Variants in WDPCP observed in about 807,000 individuals in gnomAD.
WDPCP encodes the protein WD repeat containing planar cell polarity effector.
In WDPCP, 71 loss-of-function variants were observed where a neutral mutation model predicts 93.1. The observed-to-expected ratio is 0.76, with a 90% CI of 0.63 to 0.93. The LOEUF (loss-of-function observed/expected upper bound fraction) is 0.93, where lower values mean the gene tolerates loss of function less well. Ranked by LOEUF, WDPCP falls within the 40% of genes least tolerant of loss-of-function variation. WDPCP has a pLI of 0.00. For synonymous variants in WDPCP, 315 were observed against 315.0 expected, an observed-to-expected ratio of 1.00 and a Z score of 0.00; for missense variants, 844 against 887.4, an observed-to-expected ratio of 0.95 and a Z score of 0.62.
At chr2:63,285,827 A>AGTAGGAGAG (rs1307030465) in intron 13 of WDPCP, among the ~76,000 whole-genome samples, 2 of 152,226 alleles carry the variant, frequency 1.3e-5, no homozygotes, top group Admixed American at 6.5e-5. Flanking sequence ...CTCCTCTCGA[A>AGTAGGAGAG]GTAGTTGAGA....
chr2:63,185,999 GC>G (rs1211440348), intron 14 of WDPCP, among the ~76,000 whole-genome samples: 1 of 152,048 alleles, frequency 6.6e-6, no homozygotes, highest in Non-Finnish European at 1.5e-5. Flanking sequence ...CTGGAGATAT[GC>G]CCAGTAAAGG....
Position 63,765,867 on chromosome 2 carries a change from T to C in WDPCP, n.308+47755A>G, listed in dbSNP as rs572253227. ...GAAGGATGCAGCCATGCTTGTGCTT[T>C]ACCTAGCAGAAACATTTTACCAGGA... On this transcript the variant is annotated intron_variant and non_coding_transcript_variant, in intron 2 of 4. Transcript: ENST00000467687. Among the ~76,000 whole-genome samples the C allele has an allele frequency of 2.0e-4, 30 of 152,334 alleles. No homozygotes were observed. In the South Asian group the frequency reaches 6.0e-3, roughly 31 times the overall value.
chr2:63,575,775 G>A (rs958399146), intron 1 of WDPCP, among the ~76,000 whole-genome samples: 6 of 151,486 alleles, frequency 4.0e-5, no homozygotes, highest in East Asian at 2.0e-4. Flanking sequence ...ACATGTGTGC[G>A]TATGTATATA....
intron 6 of WDPCP, among the ~76,000 whole-genome samples, chr2:63,473,184 C>G (rs1328903826): frequency 6.6e-6 from 1 of 152,136 alleles, no homozygotes; most frequent in East Asian, 1.9e-4. Flanking sequence ...TGTCAAACAT[C>G]AGTATGTATA....
chr2:63,189,689 G>T (rs140736014), intron 14 of WDPCP, among the ~76,000 whole-genome samples: 2 of 152,210 alleles, frequency 1.3e-5, no homozygotes, highest in African/African-American at 4.8e-5. Context: ...TACTGTTATT[G>T]AATTTCTTTT....
chr2:63,301,519 T>C (rs1685331473), intron 13 of WDPCP, among the ~76,000 whole-genome samples: 1 of 152,172 alleles, frequency 6.6e-6, no homozygotes, highest in Non-Finnish European at 1.5e-5. Context: ...TTTCTGGAGA[T>C]CCATTTTTCA....
chr2:63,694,477 T>C (rs999895340), intron 2 of WDPCP, among the ~76,000 whole-genome samples: 1 of 152,108 alleles, frequency 6.6e-6, no homozygotes, highest in Non-Finnish European at 1.5e-5. Flanking sequence ...AATTATTGAG[T>C]ATTTTACTCT....
At chr2:63,400,408 G>A (rs1694057104) in intron 10 of WDPCP, among the ~76,000 whole-genome samples, 1 of 152,092 alleles carries the variant, frequency 6.6e-6, no homozygotes, top group South Asian at 2.1e-4. Flanking sequence ...AAAAGCAATT[G>A]CAACAAAAGA....
At chr2:63,574,744 T>C (rs1707793860) in intron 1 of WDPCP, among the ~76,000 whole-genome samples, 1 of 152,192 alleles carries the variant, frequency 6.6e-6, no homozygotes, top group Non-Finnish European at 1.5e-5. Context: ...TTGGCTAGCT[T>C]GTCCATTTGT....
intron 17 of WDPCP, among the ~76,000 whole-genome samples, chr2:63,128,764 G>T (rs1432461092): frequency 6.6e-6 from 1 of 152,168 alleles, no homozygotes; most frequent in Admixed American, 6.5e-5. Flanking sequence ...CGCCTCCTGG[G>T]TTCAAGCGAT....
intron 1 of WDPCP, among the ~76,000 whole-genome samples, chr2:63,514,662 C>CT (rs1206516289): frequency 6.6e-6 from 1 of 151,962 alleles, no homozygotes; most frequent in Non-Finnish European, 1.5e-5. Context: ...GAATGGCAGG[C>CT]TAAGTTATAG....
intron 12 of WDPCP, among the ~76,000 whole-genome samples, chr2:63,325,648 G>A (rs1185747886): frequency 6.6e-6 from 1 of 152,204 alleles, no homozygotes; most frequent in Non-Finnish European, 1.5e-5. Flanking sequence ...GTAATTGATA[G>A]ACTTTGCTCT....
At chr2:63,622,073 T>C (rs980509324) in intron 3 of WDPCP, 6 of 1,022,370 alleles carry the variant, frequency 5.9e-6, no homozygotes, top group East Asian at 3.2e-5. Context: ...TTTCTTTTTT[T>C]TTTTTTTTTT....
chr2:63,652,882 G>A (rs1253853648), intron 2 of WDPCP, among the ~76,000 whole-genome samples: 2 of 152,150 alleles, frequency 1.3e-5, no homozygotes, highest in Non-Finnish European at 2.9e-5. Context: ...TAAGACTGTG[G>A]CCCTTAAGGG....
intron 3 of WDPCP, among the ~76,000 whole-genome samples, chr2:63,613,786 T>C (rs1709644282): frequency 6.6e-6 from 1 of 152,206 alleles, no homozygotes; most frequent in Non-Finnish European, 1.5e-5. Context: ...CCTTCTCTTA[T>C]TTCTACCCCA....
chr2:63,240,609 A>G (rs1679789414), intron 14 of WDPCP, among the ~76,000 whole-genome samples: 3 of 152,192 alleles, frequency 2.0e-5, no homozygotes, highest in African/African-American at 7.2e-5. Flanking sequence ...TATTCTGTTT[A>G]TTCTTTAACT....
intron 13 of WDPCP, among the ~76,000 whole-genome samples, chr2:63,299,172 G>A (rs1335305924): frequency 2.0e-5 from 3 of 152,210 alleles, no homozygotes; most frequent in Non-Finnish European, 4.4e-5. Flanking sequence ...CACCATAGTA[G>A]CCACATTGTG....
intron 1 of WDPCP, among the ~76,000 whole-genome samples, chr2:63,531,049 C>A (rs902208422): frequency 1.2e-4 from 19 of 152,266 alleles, no homozygotes; most frequent in Admixed American, 3.3e-4. Flanking sequence ...TATCCCACGC[C>A]TGGCTCGCCA....
intron 17 of WDPCP, among the ~76,000 whole-genome samples, chr2:63,129,762 A>C (rs1670167932): frequency 6.6e-6 from 1 of 152,228 alleles, no homozygotes; most frequent in Non-Finnish European, 1.5e-5. Context: ...AGATACTAAA[A>C]TCTGCAGATG....
Sources: gnomAD v4.1 joint callset for allele counts (sites outside exome capture counted in the v4.1 genomes callset) on GRCh38, gnomAD v4.1.1 for gene constraint, MANE v1.5 for transcripts, NCBI Gene and HGNC (gene_info 2026-07-23, HGNC 2026-07-21) for gene names.